Variants in FOXP2 observed in about 807,000 individuals in gnomAD.
FOXP2 encodes the protein forkhead box P2, also known as forkhead box protein P2.
FOXP2 carries 12 observed loss-of-function variants against 115.8 expected under a neutral mutation model. That is an observed-to-expected ratio of 0.10 (90% CI 0.07 to 0.17). FOXP2 has a LOEUF of 0.17. FOXP2 is among the 10% of genes least tolerant of loss of function. The pLI, the probability that FOXP2 is intolerant of heterozygous loss-of-function variation, is 1.00. For missense variants in FOXP2, 629 were observed against 843.5 expected, an observed-to-expected ratio of 0.75 and a Z score of 3.15; for synonymous variants, 328 against 297.7, an observed-to-expected ratio of 1.10 and a Z score of -1.05.
chr7:114,118,576 A>G (rs1298236967), intron 1 of FOXP2, among the ~76,000 whole-genome samples: 4 of 152,130 alleles, frequency 2.6e-5, no homozygotes, highest in South Asian at 2.1e-4. Context: ...TTATACATGT[A>G]TAAGTTTAGT....
chr7:114,662,027 TA>T (rs765992581), intron 13 of FOXP2, 37 bp from the exon 14 acceptor site: 2 of 1,610,650 alleles, frequency 1.2e-6, no homozygotes, highest in South Asian at 2.2e-5. Flanking sequence ...TAGACAATAT[TA>T]TTTTTGCCAT....
At chr7:114,240,678 C>G (rs75378470) in intron 1 of FOXP2, among the ~76,000 whole-genome samples, 2 of 151,696 alleles carry the variant, frequency 1.3e-5, no homozygotes, top group Non-Finnish European at 1.5e-5. Flanking sequence ...TTTTGCTATA[C>G]AGATTCTTGA....
chr7:114,109,096 C>A (rs534270630), intron 1 of FOXP2, among the ~76,000 whole-genome samples: 4 of 151,940 alleles, frequency 2.6e-5, no homozygotes, highest in African/African-American at 7.2e-5. Context: ...GGGTTATACA[C>A]CAAAGTGTCA....
chr7:114,235,351 A>AATT (rs1794983886), intron 1 of FOXP2, among the ~76,000 whole-genome samples: 2 of 152,046 alleles, frequency 1.3e-5, no homozygotes, highest in African/African-American at 2.4e-5. Context: ...AACAGGAGGT[A>AATT]ATTTGTATTT....
chr7:114,491,099 T>G (rs1411131270), intron 2 of FOXP2, among the ~76,000 whole-genome samples: 2 of 152,222 alleles, frequency 1.3e-5, no homozygotes, highest in Non-Finnish European at 2.9e-5. Flanking sequence ...CCACAATGGT[T>G]GAACTAGTTT....
intron 1 of FOXP2, among the ~76,000 whole-genome samples, chr7:114,418,688 C>G (rs1345982256): frequency 6.6e-6 from 1 of 151,506 alleles, no homozygotes; most frequent in African/African-American, 2.4e-5. Flanking sequence ...AAAAAAAAAG[C>G]TATACAGAAG....
Position 114,217,002 on chromosome 7 carries a change from C to G in FOXP2, c.-102+53914C>G, listed in dbSNP as rs149517477. On this transcript the variant is annotated intron_variant, in intron 1 of 17. Coordinates refer to the FOXP2 transcript ENST00000634411. The stretch of plus-strand genomic sequence containing the variant: ...TAAAGTCCTTCTAATCAATTGGCAA[C>G]TACATTCATGATTATGGTTTGAGTG... 1.2e-4 allele frequency among the ~76,000 whole-genome samples: 19 copies of G among 152,200 alleles called. No individual in the cohort carries two copies. In the East Asian group the frequency reaches 2.9e-3, roughly 23 times the overall value.
chr7:114,248,030 A>G (rs1795333830), intron 1 of FOXP2, among the ~76,000 whole-genome samples: 1 of 152,142 alleles, frequency 6.6e-6, no homozygotes, highest in Admixed American at 6.6e-5. Context: ...TATGGACGCT[A>G]AAACATCCAA....
intron 2 of FOXP2, among the ~76,000 whole-genome samples, chr7:114,335,889 A>C (rs566229058): frequency 1.3e-5 from 2 of 151,952 alleles, no homozygotes; most frequent in East Asian, 3.9e-4. Context: ...AAAGAAAAAA[A>C]AATGATCAAA....
intron 2 of FOXP2, among the ~76,000 whole-genome samples, chr7:114,330,713 A>C (rs1797687153): frequency 6.6e-6 from 1 of 151,970 alleles, no homozygotes; most frequent in Non-Finnish European, 1.5e-5. Flanking sequence ...ATTACCTTTG[A>C]AGAAAGTCAT....
intron 2 of FOXP2, among the ~76,000 whole-genome samples, chr7:114,325,401 A>T (rs1188144613): frequency 2.0e-5 from 3 of 151,926 alleles, no homozygotes; most frequent in Non-Finnish European, 2.9e-5. Context: ...AAATGTACAA[A>T]ATATAAGCAA....
At chr7:114,637,614 A>G (rs188686195) in intron 6 of FOXP2, among the ~76,000 whole-genome samples, 220 of 152,348 alleles carry the variant, frequency 1.4e-3, no homozygotes, top group Non-Finnish European at 2.1e-3. Context: ...GAAAACAGAC[A>G]GAAATCCCTG....
chr7:114,619,008 A>G (rs1261224145), intron 3 of FOXP2, among the ~76,000 whole-genome samples: 4 of 152,160 alleles, frequency 2.6e-5, no homozygotes, highest in African/African-American at 7.2e-5. Context: ...TTTCACTGGT[A>G]AAGGAATAGA....
chr7:114,410,840 G>T (rs758074202), upstream of FOXP2, among the ~76,000 whole-genome samples: 1 of 151,544 alleles, frequency 6.6e-6, no homozygotes, highest in Non-Finnish European at 1.5e-5. Flanking sequence ...TGGAGTGTAG[G>T]CAGTAGAAAA....
At chr7:114,382,936 A>C (rs1030804186) in intron 2 of FOXP2, among the ~76,000 whole-genome samples, 27 of 152,160 alleles carry the variant, frequency 1.8e-4, no homozygotes, top group African/African-American at 6.3e-4. Context: ...TCTAGCACGC[A>C]AGTTAGCAAA....
intron 1 of FOXP2, among the ~76,000 whole-genome samples, chr7:114,214,200 C>T (rs1411382919): frequency 6.6e-6 from 1 of 151,970 alleles, no homozygotes; most frequent in African/African-American, 2.4e-5. Context: ...ATTCTTATTC[C>T]CATTTTACTT....
chr7:114,160,727 G>T (rs1230488944), upstream of FOXP2, among the ~76,000 whole-genome samples: 1 of 151,674 alleles, frequency 6.6e-6, no homozygotes, highest in African/African-American at 2.4e-5. Context: ...TTAAGAAAAA[G>T]TACAGCTAGT....
chr7:114,656,614 C>T (rs931744356), intron 10 of FOXP2: 2 of 350,998 alleles, frequency 5.7e-6, no homozygotes, highest in South Asian at 2.1e-5. Context: ...AAAGAATTCC[C>T]TACCCAGTCT....
rs112302757 is a variant in FOXP2 at position 114,514,477 on chromosome 7, T to A, written c.169-20140T>A. ...TCTATTTATATTAGTTCAACGTTTT[T>A]GGTTTCACATACAAGTAACATCATG... is the stretch of plus-strand genomic sequence containing the variant. On this transcript the variant is annotated intron_variant, in intron 2 of 16. Coordinates refer to ENST00000350908, the MANE Select transcript of FOXP2 (RefSeq NM_014491.4). 3.3e-5 allele frequency among the ~76,000 whole-genome samples: 5 copies of A among 151,886 alleles called. No homozygotes were observed. The East Asian group carries it at 9.7e-4, about 29-fold the overall frequency.
Sources: gnomAD v4.1 joint callset for allele counts (sites outside exome capture counted in the v4.1 genomes callset) on GRCh38, gnomAD v4.1.1 for gene constraint, MANE v1.5 for transcripts, NCBI Gene and HGNC (gene_info 2026-07-23, HGNC 2026-07-21) for gene names.